PAPSS1: variants seen among roughly 807,000 people sequenced by gnomAD.
The protein encoded by PAPSS1 is 3'-phosphoadenosine 5'-phosphosulfate synthase 1.
PAPSS1 carries 50 observed loss-of-function variants against 72.0 expected under a neutral mutation model. The ratio of observed to expected loss-of-function variants is 0.69; its 90% CI spans 0.55 to 0.88. The LOEUF (loss-of-function observed/expected upper bound fraction) is 0.88. Ranked by LOEUF, PAPSS1 falls within the 40% of genes least tolerant of loss-of-function variation. The pLI is 0.00. For synonymous variants in PAPSS1, 261 were observed against 263.6 expected, an observed-to-expected ratio of 0.99 and a Z score of 0.09; for missense variants, 657 against 782.2, an observed-to-expected ratio of 0.84 and a Z score of 1.91.
At chr4:107,690,819 C>T (rs1405001082) in intron 3 of PAPSS1, among the ~76,000 whole-genome samples, 1 of 152,080 alleles carries the variant, frequency 6.6e-6, no homozygotes. Context: ...AACAAGGGGG[C>T]CACAAAGCAG....
intron 5 of PAPSS1, among the ~76,000 whole-genome samples, chr4:107,662,307 T>G (rs1727201889): frequency 6.6e-6 from 1 of 152,166 alleles, no homozygotes; most frequent in Non-Finnish European, 1.5e-5. Flanking sequence ...AGACACTTTG[T>G]ATACCTTCCA....
chr4:107,678,513 A>G (rs562618558), intron 5 of PAPSS1, among the ~76,000 whole-genome samples: 1 of 152,340 alleles, frequency 6.6e-6, no homozygotes, highest in East Asian at 1.9e-4. Context: ...AGTCCCACCA[A>G]GAAAAGACCA....
chr4:107,684,280 A>C (rs1260861757), intron 4 of PAPSS1, among the ~76,000 whole-genome samples: 1 of 152,196 alleles, frequency 6.6e-6, no homozygotes, highest in Non-Finnish European at 1.5e-5. Flanking sequence ...TACAAACCAC[A>C]AATTTTCATC....
At chr4:107,641,942 T>A (rs12648920) in intron 10 of PAPSS1, among the ~76,000 whole-genome samples, 1 of 152,268 alleles carries the variant, frequency 6.6e-6, no homozygotes, top group East Asian at 1.9e-4. Context: ...AATTACCACA[T>A]CTTGTCATGA....
chr4:107,656,604 G>C (rs1727017527), intron 7 of PAPSS1, among the ~76,000 whole-genome samples: 1 of 152,090 alleles, frequency 6.6e-6, no homozygotes, highest in Non-Finnish European at 1.5e-5. Context: ...TTTCCACAGT[G>C]ATCAGGCAAA....
chr4:107,661,728 T>C (rs1727186806), intron 5 of PAPSS1, among the ~76,000 whole-genome samples: 2 of 152,094 alleles, frequency 1.3e-5, no homozygotes, highest in African/African-American at 4.8e-5. Context: ...TTAAGGACAC[T>C]CTCCACTATT....
intron 1 of PAPSS1, among the ~76,000 whole-genome samples, chr4:107,718,161 T>C (rs1298472601): frequency 6.6e-6 from 1 of 152,220 alleles, no homozygotes; most frequent in Non-Finnish European, 1.5e-5. Context: ...CTTGTGCCTA[T>C]TAAGATGATT....
At chr4:107,685,903 C>G (rs1375059315) in intron 4 of PAPSS1, among the ~76,000 whole-genome samples, 1 of 152,202 alleles carries the variant, frequency 6.6e-6, no homozygotes, top group African/African-American at 2.4e-5. Context: ...ATCACATTCC[C>G]TGCTGGGAAG....
In PAPSS1 at chr4:107,677,095, T is replaced by C. The variant is rs557114651; in HGVS notation, c.669+4920A>G. 6.4e-3 allele frequency among the ~76,000 whole-genome samples: 977 copies of C among 152,220 alleles called. 18 individuals are homozygous for C. The highest frequency in any genetic ancestry group is 0.022 in the African/African-American group (931 of 41,526). ...ACCATAAAAACCCTAGAAGAAAACC[T>C]AGGCAATACCATTCAGGACATAGGC... On this transcript the variant is annotated intron_variant, in intron 5 of 11. Coordinates refer to ENST00000265174, the MANE Select transcript of PAPSS1 (RefSeq NM_005443.5).
intron 2 of PAPSS1, among the ~76,000 whole-genome samples, chr4:107,695,029 A>C (rs1723032473): frequency 6.6e-6 from 1 of 152,152 alleles, no homozygotes; most frequent in South Asian, 2.1e-4. Flanking sequence ...TTCTGTAAGA[A>C]TATCAAATGG....
chr4:107,717,791 G>T (rs1723676436), intron 1 of PAPSS1, among the ~76,000 whole-genome samples: 1 of 151,990 alleles, frequency 6.6e-6, no homozygotes, highest in Non-Finnish European at 1.5e-5. Context: ...CCACTTCCCA[G>T]ACCAAAACTT....
chr4:107,654,358 C>T (rs113953229), intron 8 of PAPSS1, among the ~76,000 whole-genome samples: 14 of 152,256 alleles, frequency 9.2e-5, no homozygotes, highest in East Asian at 5.8e-4. Context: ...CTACCTCACA[C>T]GCTCATTATA....
At chr4:107,644,706 T>C (rs1726645585) in intron 10 of PAPSS1, 96 bp downstream of exon 10, 2 of 1,220,376 alleles carry the variant, frequency 1.6e-6, no homozygotes, top group East Asian at 2.4e-5. Flanking sequence ...GGAACAGGCC[T>C]ACAGAGCACA....
chr4:107,631,710 T>G lies in PAPSS1; in HGVS notation c.1657A>C (p.Ile553Leu). 1 of 1,614,180 alleles carries G rather than the reference T, an allele frequency of 6.2e-7. No homozygotes were observed. Among genetic ancestry groups the G allele is most frequent in the Non-Finnish European group, 8.5e-7 (1 of 1,180,018 alleles). ...AKVLTMAPGL[I>L]TLEIVPFRVA... Reference sequence around the variant, plus strand: ...CGAAAGGGAACTATTTCCAAAGTGATTAAACCAGGGGCCATCGTCAGCACT... The same window carrying G: ...CGAAAGGGAACTATTTCCAAAGTGAGTAAACCAGGGGCCATCGTCAGCACT... Residue 553 changes from isoleucine to leucine, a missense_variant, in exon 11 of 12, where the codon ATC becomes CTC. Coordinates refer to ENST00000265174, the MANE Select transcript of PAPSS1 (RefSeq NM_005443.5).
rs536992049 is a variant in PAPSS1 at position 107,656,825 on chromosome 4, A to G, written c.895+71T>C. 1.9e-4 allele frequency: 203 copies of G among 1,074,506 alleles called. No homozygotes were observed. The African/African-American group carries it at 2.7e-3, about 15-fold the overall frequency. 66.6% of individuals were successfully genotyped at this position (1,074,506 alleles called of 1,614,324 possible). On this transcript the variant is annotated intron_variant, in intron 7 of 11. Transcript: ENST00000265174. ...CGTTACCCTACTACTTTTTGTAAAC[A>G]GTGACAAATCTCTGCAACTATGTAA... is the stretch of plus-strand genomic sequence containing the variant.
At chr4:107,719,942 GC>G in intron 1 of PAPSS1, 177 bp downstream of exon 1, 1 of 1,382,350 alleles carries the variant, frequency 7.2e-7, no homozygotes, top group Non-Finnish European at 9.3e-7. Context: ...CCTGCGCCGC[GC>G]CCCTCTGCCT....
At chr4:107,713,556 G>A (rs534033526) in intron 1 of PAPSS1, among the ~76,000 whole-genome samples, 5 of 152,050 alleles carry the variant, frequency 3.3e-5, no homozygotes, top group African/African-American at 7.2e-5. Context: ...TCAAGAGATC[G>A]AGACCATCCT....
At chr4:107,687,261 C>A in intron 3 of PAPSS1, 84 bp from the exon 4 acceptor site, 1 of 1,019,064 alleles carries the variant, frequency 9.8e-7, no homozygotes, top group South Asian at 2.3e-5. Flanking sequence ...AAGTGCTTCT[C>A]ATCCAATTTA....
chr4:107,656,070 G>T (rs771158321), intron 7 of PAPSS1, among the ~76,000 whole-genome samples: 1 of 151,994 alleles, frequency 6.6e-6, no homozygotes. Context: ...AAAATTAAAG[G>T]CTGCTGCATT....
Sources: allele counts gnomAD v4.1 joint callset (sites outside exome capture counted in the v4.1 genomes callset), GRCh38; gene constraint gnomAD v4.1.1; transcripts MANE v1.5; gene names NCBI Gene and HGNC (gene_info 2026-07-23, HGNC 2026-07-21).